KAZN: variants seen among roughly 807,000 people sequenced by gnomAD.
KAZN encodes kazrin.
A neutral mutation model predicts 87.4 loss-of-function variants in KAZN; 40 were observed. The observed-to-expected ratio is 0.46, with a 90% CI of 0.36 to 0.60. The LOEUF (loss-of-function observed/expected upper bound fraction) is 0.60. Among genes scored for constraint, KAZN ranks in the 20% least tolerant of loss-of-function variants. KAZN has a pLI of 0.00. For synonymous variants in KAZN, 466 were observed against 458.3 expected (o/e 1.02, Z -0.22); for missense variants, 898 against 1,073.9 (o/e 0.84, Z 2.29).
At chr1:13,998,340 C>T (rs540347772) in intron 1 of KAZN, among the ~76,000 whole-genome samples, 1 of 152,272 alleles carries the variant, frequency 6.6e-6, no homozygotes, top group African/African-American at 2.4e-5. Flanking sequence ...AACCAGCTAG[C>T]ATTATGATGA....
In KAZN at chr1:14,270,311, A is replaced by G. The variant is rs144633325; in HGVS notation, c.249+89719A>G. On this transcript the variant is annotated intron_variant, in intron 2 of 16. Transcript: ENST00000636203. ...AGAAAATGGAGGAAAGGACATCTCC[A>G]AGGAAAAGTAGGATGTGTTATTATC... Among the ~76,000 whole-genome samples, 252 of 152,344 alleles carry G rather than the reference A, an allele frequency of 1.7e-3. 1 individual carries two copies. Among genetic ancestry groups the G allele is most frequent in the Non-Finnish European group, 2.6e-3 (174 of 68,030 alleles).
At chr1:14,103,723 C>A (rs1644308759) in intron 1 of KAZN, among the ~76,000 whole-genome samples, 2 of 152,142 alleles carry the variant, frequency 1.3e-5, no homozygotes, top group East Asian at 3.9e-4. Context: ...TTATTGGGCT[C>A]ACTTGGATAA....
chr1:14,010,395 G>A (rs1640239118), intron 1 of KAZN, among the ~76,000 whole-genome samples: 1 of 152,212 alleles, frequency 6.6e-6, no homozygotes. Flanking sequence ...TGTTGAAACT[G>A]TAACGTATCA....
At chr1:13,994,896 AAACC>A (rs1417681106) in intron 1 of KAZN, among the ~76,000 whole-genome samples, 2 of 128,662 alleles carry the variant, frequency 1.6e-5, no homozygotes, top group African/African-American at 2.9e-5. Flanking sequence ...ACAAACAAAC[AAACC>A]TTGAAAGTAA....
intron 2 of KAZN, among the ~76,000 whole-genome samples, chr1:14,342,785 T>C (rs1657829124): frequency 6.6e-6 from 1 of 152,274 alleles, no homozygotes; most frequent in South Asian, 2.1e-4. Flanking sequence ...GAGGGAACAT[T>C]CTGAGGGAGC....
intron 1 of KAZN, among the ~76,000 whole-genome samples, chr1:14,058,777 A>C (rs1642677408): frequency 6.6e-6 from 1 of 152,224 alleles, no homozygotes; most frequent in Non-Finnish European, 1.5e-5. Context: ...GGATGGTTGC[A>C]AAAGGTCTCT....
At position 13,928,888 on chromosome 1, in the gene KAZN, C is replaced by G. The variant is rs75780428; in HGVS notation, c.91+35132C>G. Among the ~76,000 whole-genome samples the G allele has an allele frequency of 1.6e-3, 247 of 151,204 alleles. 2 individuals carry two copies. Among genetic ancestry groups the G allele is most frequent in the Admixed American group, 4.4e-3 (67 of 15,170 alleles). ...GATCTCTAATTTTGGAGAAAGAGCT[C>G]TAACAGGCGATAGATTCTAATCTTT... On this transcript the variant is annotated intron_variant, in intron 1 of 16. Transcript: ENST00000636203.
intron 2 of KAZN, among the ~76,000 whole-genome samples, chr1:14,203,370 T>A (rs1289219537): frequency 2.0e-5 from 3 of 152,204 alleles, no homozygotes. Context: ...CCCACGAGTG[T>A]GTACTTAGGA....
At chr1:14,549,194 T>C (rs1214011474) in intron 2 of KAZN, among the ~76,000 whole-genome samples, 1 of 152,160 alleles carries the variant, frequency 6.6e-6, no homozygotes, top group African/African-American at 2.4e-5. Flanking sequence ...TTGTTTTAGT[T>C]TCTGTCTTTC....
In KAZN at chr1:14,787,435, A is replaced by G. The variant is rs1645541350; in HGVS notation, c.227-173249A>G. 2.0e-5 allele frequency among the ~76,000 whole-genome samples: 3 copies of G among 152,290 alleles called. No homozygotes were observed. In the South Asian group the frequency reaches 6.2e-4, roughly 32 times the overall value. ...GACTCTGGAATCCCTGCTCTCAGCTAGTGTACTTGGGTTGATCTCTTTAAG... is the reference window on the plus strand; with the variant it reads ...GACTCTGGAATCCCTGCTCTCAGCTGGTGTACTTGGGTTGATCTCTTTAAG... On this transcript the variant is annotated intron_variant, in intron 1 of 14. Transcript: ENST00000376030.
intron 1 of KAZN, among the ~76,000 whole-genome samples, chr1:14,642,739 A>G: frequency 6.6e-6 from 1 of 152,232 alleles, no homozygotes; most frequent in East Asian, 1.9e-4. Flanking sequence ...GATGATTGAT[A>G]TGCTAATTAT....
At chr1:14,552,630 C>T (rs1321844835) in intron 2 of KAZN, among the ~76,000 whole-genome samples, 1 of 152,148 alleles carries the variant, frequency 6.6e-6, no homozygotes, top group African/African-American at 2.4e-5. Flanking sequence ...GGAGGAGACC[C>T]CCATGAATGC....
chr1:14,939,650 T>C (rs781679668), intron 1 of KAZN, among the ~76,000 whole-genome samples: 1 of 151,492 alleles, frequency 6.6e-6, no homozygotes, highest in Non-Finnish European at 1.5e-5. Flanking sequence ...TTGCATAGGG[T>C]GGAGTGTGTG....
Position 14,228,441 on chromosome 1 carries a change from A to G in KAZN, c.249+47849A>G, listed in dbSNP as rs575248194. 5.3e-5 allele frequency among the ~76,000 whole-genome samples: 8 copies of G among 152,282 alleles called. No individual in the cohort carries two copies. The South Asian group carries it at 1.7e-3, about 32-fold the overall frequency. On this transcript the variant is annotated intron_variant, in intron 2 of 16. Coordinates refer to the KAZN transcript ENST00000636203. ...GACCTCTGGATAGCTTTGAATGACA[A>G]TGTGACCTCACCTAATTGTCTTTGG...
chr1:15,032,200 T>C (rs1474551929), intron 2 of KAZN, among the ~76,000 whole-genome samples: 1 of 143,552 alleles, frequency 7.0e-6, no homozygotes, highest in Non-Finnish European at 1.5e-5. Context: ...TTTTCTTTTT[T>C]TTTTTTTTTT....
chr1:14,749,384 G>A (rs1157321576), intron 1 of KAZN, among the ~76,000 whole-genome samples: 2 of 152,164 alleles, frequency 1.3e-5, no homozygotes, highest in Non-Finnish European at 2.9e-5. Flanking sequence ...ATCAGTTATA[G>A]CCACCGAATG....
At chr1:14,109,715 A>G (rs1014742497) in intron 1 of KAZN, among the ~76,000 whole-genome samples, 6 of 147,548 alleles carry the variant, frequency 4.1e-5, no homozygotes, top group African/African-American at 1.5e-4. Flanking sequence ...TCTAATTTGC[A>G]GCTGCATCAA....
chr1:14,038,735 G>T (rs1461419684), intron 1 of KAZN, among the ~76,000 whole-genome samples: 1 of 152,168 alleles, frequency 6.6e-6, no homozygotes, highest in Non-Finnish European at 1.5e-5. Context: ...GCTGCAGGGG[G>T]TTCAGGAATC....
intron 2 of KAZN, among the ~76,000 whole-genome samples, chr1:14,531,029 C>T (rs1164331345): frequency 6.6e-6 from 1 of 152,176 alleles, no homozygotes; most frequent in Non-Finnish European, 1.5e-5. Flanking sequence ...GCTGTGATCG[C>T]ACCACTGCAC....
Sources: allele counts gnomAD v4.1 joint callset (sites outside exome capture counted in the v4.1 genomes callset), GRCh38; gene constraint gnomAD v4.1.1; transcripts MANE v1.5; gene names NCBI Gene and HGNC (gene_info 2026-07-23, HGNC 2026-07-21).